The following DENND5A variants were observed in gnomAD, a reference collection of about 807,000 sequenced individuals.
The protein encoded by DENND5A is DENN domain-containing protein 5A.
In DENND5A, 64 loss-of-function variants were observed where a neutral mutation model predicts 140.3. That is an observed-to-expected ratio of 0.46 (90% CI 0.37 to 0.56). The LOEUF is 0.56. Ranked by LOEUF, DENND5A falls within the 20% of genes least tolerant of loss-of-function variation. The probability of loss-of-function intolerance (pLI) is 0.00; values close to 1 mark genes in which losing one functional copy is unlikely to be tolerated. For missense variants in DENND5A, 1,292 were observed against 1,593.8 expected, an observed-to-expected ratio of 0.81 and a Z score of 3.22; for synonymous variants, 605 against 607.7, an observed-to-expected ratio of 1.00 and a Z score of 0.07.
chr11:9,258,030 T>A lies in DENND5A; in HGVS notation c.109+6931A>T, dbSNP rs948016090. On this transcript the variant is annotated intron_variant, in intron 1 of 22. Coordinates refer to ENST00000328194, the MANE Select transcript of DENND5A (RefSeq NM_015213.4). Reference sequence around the variant, plus strand: ...CTGGTCTCAAACTCCTGACCTCAAGTGATCCACCCACCTCAACCTCCCAAA... The same window carrying A: ...CTGGTCTCAAACTCCTGACCTCAAGAGATCCACCCACCTCAACCTCCCAAA... Among the ~76,000 whole-genome samples the A allele has an allele frequency of 2.0e-5, 3 of 152,126 alleles. No individual in the cohort carries two copies. The East Asian group carries it at 5.8e-4, about 29-fold the overall frequency.
At chr11:9,160,392 A>G (rs1847939293) in intron 12 of DENND5A, among the ~76,000 whole-genome samples, 1 of 152,188 alleles carries the variant, frequency 6.6e-6, no homozygotes, top group Non-Finnish European at 1.5e-5. Context: ...GTACTTCCTG[A>G]GCTCCAACTT....
At position 9,204,265 on chromosome 11, in the gene DENND5A, G is replaced by A; in HGVS notation, c.344C>T (p.Pro115Leu). The change falls in exon 4 of 23, where the codon CCC becomes CTC. Residue 115 changes from proline to leucine, a missense_variant. Pro to Leu is a moderately conservative substitution (Grantham distance 98). This residue lies in a region of DENND5A where 566 missense variants were observed against 650.4 expected (regional missense o/e 0.87). Coordinates refer to ENST00000328194, the MANE Select transcript of DENND5A (RefSeq NM_015213.4). Reference protein sequence around the residue: ...AFKTQADPREPQFHAFIITRE... With the variant: ...AFKTQADPRELQFHAFIITRE... Reference sequence around the variant, plus strand: ...TGTGATAATAAAGGCATGGAATTGGGGCTCCCTGGGATCAGCCTGGGTCTT... The same window carrying A: ...TGTGATAATAAAGGCATGGAATTGGAGCTCCCTGGGATCAGCCTGGGTCTT... 2 of 1,613,776 alleles carry A rather than the reference G, an allele frequency of 1.2e-6. No individual in the cohort carries two copies. Among genetic ancestry groups the A allele is most frequent in the South Asian group, 1.1e-5 (1 of 91,078 alleles).
chr11:9,151,655 A>G (rs1847619377), intron 13 of DENND5A, among the ~76,000 whole-genome samples: 2 of 152,224 alleles, frequency 1.3e-5, no homozygotes, highest in African/African-American at 2.4e-5. Flanking sequence ...GATGATGTGA[A>G]GGGGAGATGC....
intron 22 of DENND5A, among the ~76,000 whole-genome samples, chr11:9,140,532 C>A (rs868736610): frequency 2.0e-4 from 31 of 152,184 alleles, no homozygotes; most frequent in African/African-American, 6.8e-4. Context: ...TGCATACCAC[C>A]CATAATATCA....
At chr11:9,261,387 T>C (rs1852191018) in intron 1 of DENND5A, among the ~76,000 whole-genome samples, 1 of 152,126 alleles carries the variant, frequency 6.6e-6, no homozygotes, top group South Asian at 2.1e-4. Context: ...CTGAGTATGA[T>C]ATCATCAGTT....
Position 9,207,575 on chromosome 11 carries a change from G to A in DENND5A, c.167C>T (p.Ser56Leu). 2 of 1,612,968 alleles carry A rather than the reference G, an allele frequency of 1.2e-6. No individual in the cohort carries two copies. The highest frequency in any genetic ancestry group is 1.7e-6 in the Non-Finnish European group (2 of 1,179,152). Reference protein sequence around the residue: ...KARDGASPFISSTTEGENFEQ... With the variant: ...KARDGASPFILSTTEGENFEQ... ...TTTGTTTTTACCTTCAGTCGTACTT[G>A]AAATGAAAGGGCTGGCACCATCCCT... The change falls in exon 2 of 23, where the codon TCA (serine) becomes TTA (leucine). Residue 56 changes from serine to leucine, a missense_variant. Transcript: ENST00000328194.
In DENND5A at chr11:9,142,042, G is replaced by T. The variant is rs766305722; in HGVS notation, c.3578C>A (p.Thr1193Lys). The change falls in exon 22 of 23, where the codon ACA becomes AAA. Residue 1193 changes from threonine to lysine, a missense_variant. Around this residue, in one of 4 missense-constraint regions of DENND5A, gnomAD observed 498 missense variants for 689.7 expected, o/e 0.72. Transcript: ENST00000328194. ...NEVVPEENWH[T>K]RARNFCRFVT... ...AAATCGGCAGAAGTTCCGGGCTCTTGTATGCCAGTTTTCCTCAGGGACTAC... is the reference window on the plus strand; with the variant it reads ...AAATCGGCAGAAGTTCCGGGCTCTTTTATGCCAGTTTTCCTCAGGGACTAC... The T allele has an allele frequency of 6.2e-7, 1 of 1,606,342 alleles. No homozygotes were observed. The highest frequency in any genetic ancestry group is 1.1e-5 in the South Asian group (1 of 88,854).
At chr11:9,239,151 T>C (rs1308718305) in intron 1 of DENND5A, among the ~76,000 whole-genome samples, 3 of 152,058 alleles carry the variant, frequency 2.0e-5, no homozygotes, top group Admixed American at 1.3e-4. Context: ...CTACAATTTC[T>C]AAGTTTTCTA....
chr11:9,193,282 A>T (rs1447590299), intron 5 of DENND5A, among the ~76,000 whole-genome samples: 1 of 152,228 alleles, frequency 6.6e-6, no homozygotes, highest in Non-Finnish European at 1.5e-5. Flanking sequence ...TACAATGTAC[A>T]TATGTCAGTT....
At chr11:9,244,638 G>A (rs2136279164) in intron 1 of DENND5A, among the ~76,000 whole-genome samples, 1 of 152,192 alleles carries the variant, frequency 6.6e-6, no homozygotes, top group East Asian at 1.9e-4. Context: ...CAAAGTGCTG[G>A]GATTACAGGC....
chr11:9,243,030 G>A (rs2136276031), intron 1 of DENND5A, among the ~76,000 whole-genome samples: 1 of 146,670 alleles, frequency 6.8e-6, no homozygotes, highest in African/African-American at 2.5e-5. Context: ...AGAAGTTGCA[G>A]TGAGCTGAGA....
chr11:9,227,213 C>CATAAATAAAT lies in DENND5A; in HGVS notation c.110-19582_110-19581insATTTATTTAT, dbSNP rs1564926935. Among the ~76,000 whole-genome samples the CATAAATAAAT allele has an allele frequency of 6.1e-3, 775 of 126,738 alleles. 7 individuals are homozygous for CATAAATAAAT. Among genetic ancestry groups the CATAAATAAAT allele is most frequent in the African/African-American group, 0.014 (387 of 28,572 alleles). 83.1% of individuals were successfully genotyped at this position (126,738 alleles called of 152,430 possible). On this transcript the variant is annotated intron_variant, in intron 1 of 22. Coordinates refer to ENST00000328194, the MANE Select transcript of DENND5A (RefSeq NM_015213.4). ...ATAAATAAATAAATAAATAAATAAG[C>CATAAATAAAT]AAGCAAGCACAGAGTGATATTTTCT... is the stretch of plus-strand genomic sequence containing the variant.
At chr11:9,143,547 GAGC>G in intron 19 of DENND5A, 62 bp from the exon 20 acceptor site, 1 of 1,390,304 alleles carries the variant, frequency 7.2e-7, no homozygotes, top group Non-Finnish European at 1.0e-6. Flanking sequence ...TTAGCTGCCT[GAGC>G]AGGAGACTGA....
In DENND5A at chr11:9,210,244, AAT is replaced by A. The variant is rs1174977459; in HGVS notation, c.110-2614_110-2613del. Among the ~76,000 whole-genome samples, 6 of 152,370 alleles carry A rather than the reference AAT, an allele frequency of 3.9e-5. No individual in the cohort carries two copies. In the South Asian group the frequency reaches 1.0e-3, roughly 26 times the overall value. On this transcript the variant is annotated intron_variant, in intron 1 of 22. Transcript: ENST00000328194. ...CCTTGGAAATTCAAACAATATTAGG[AAT>A]ATGACATCACCAACATGACTGTCCT...
At chr11:9,227,733 G>A (rs1303682108) in intron 1 of DENND5A, among the ~76,000 whole-genome samples, 2 of 151,786 alleles carry the variant, frequency 1.3e-5, no homozygotes, top group Non-Finnish European at 2.9e-5. Context: ...CAAGATGGGA[G>A]GATCACCTGA....
intron 6 of DENND5A, among the ~76,000 whole-genome samples, chr11:9,179,354 A>G (rs1432195636): frequency 6.6e-6 from 1 of 152,210 alleles, no homozygotes; most frequent in East Asian, 1.9e-4. Context: ...TTCTGCCATG[A>G]AAGAAAAGGT....
At chr11:9,174,334 C>T (rs1848480442) in intron 8 of DENND5A, among the ~76,000 whole-genome samples, 1 of 151,264 alleles carries the variant, frequency 6.6e-6, no homozygotes, top group Non-Finnish European at 1.5e-5. Context: ...AATGCAAAAC[C>T]CAATTACATG....
chr11:9,165,430 G>A (rs551258829), intron 11 of DENND5A, among the ~76,000 whole-genome samples: 1 of 147,728 alleles, frequency 6.8e-6, no homozygotes, highest in African/African-American at 2.6e-5. Flanking sequence ...AATTAGTACT[G>A]TCTCATTATA....
Position 9,157,250 on chromosome 11 carries a change from CAT to C in DENND5A, c.2436+3461_2436+3462del, listed in dbSNP as rs1310997444. On this transcript the variant is annotated intron_variant, in intron 12 of 22. Coordinates refer to ENST00000328194, the MANE Select transcript of DENND5A (RefSeq NM_015213.4). ...CAGAACCCAGCATAATAATAGCTGT[CAT>C]ATGTTGGATACTTATCACACGCCAG... Among the ~76,000 whole-genome samples the C allele has an allele frequency of 2.0e-5, 3 of 152,184 alleles. No homozygotes were observed. The South Asian group carries it at 6.2e-4, about 32-fold the overall frequency.
Sources: gnomAD v4.1 joint callset for allele counts (sites outside exome capture counted in the v4.1 genomes callset) on GRCh38, gnomAD v4.1.1 for gene constraint, gnomAD v4.1.1 regional missense constraint, MANE v1.5 for transcripts, NCBI Gene and HGNC (gene_info 2026-07-23, HGNC 2026-07-21) for gene names.